LARP4B: variants seen among roughly 807,000 people sequenced by gnomAD.
LARP4B encodes the protein la-related protein 4B.
LARP4B carries 12 observed loss-of-function variants against 89.8 expected under a neutral mutation model. The ratio of observed to expected loss-of-function variants is 0.13; its 90% CI spans 0.09 to 0.22. LARP4B has a LOEUF of 0.22. Ranked by LOEUF, LARP4B falls within the 10% of genes least tolerant of loss-of-function variation. The pLI is 1.00. For synonymous variants in LARP4B, 367 were observed against 363.3 expected, an observed-to-expected ratio of 1.01 and a Z score of -0.12; for missense variants, 757 against 947.7, an observed-to-expected ratio of 0.80 and a Z score of 2.64.
intron 3 of LARP4B, among the ~76,000 whole-genome samples, chr10:877,477 C>T (rs548683166): frequency 3.3e-5 from 5 of 152,178 alleles, no homozygotes; most frequent in Non-Finnish European, 5.9e-5. Context: ...AATGAAATAA[C>T]GGTGCCAAAT....
intron 1 of LARP4B, among the ~76,000 whole-genome samples, chr10:906,683 C>T (rs1836502146): frequency 6.6e-6 from 1 of 152,218 alleles, no homozygotes; most frequent in African/African-American, 2.4e-5. Flanking sequence ...CCAGTGAACA[C>T]CTTATGATCC....
intron 1 of LARP4B, among the ~76,000 whole-genome samples, chr10:924,788 T>G (rs1393704945): frequency 6.6e-6 from 1 of 152,248 alleles, no homozygotes; most frequent in African/African-American, 2.4e-5. Flanking sequence ...CACTTTCTTA[T>G]TGGATTATGT....
chr10:923,463 C>T (rs1321618867), intron 1 of LARP4B, among the ~76,000 whole-genome samples: 2 of 151,460 alleles, frequency 1.3e-5, no homozygotes, highest in African/African-American at 4.9e-5. Context: ...AGTGTGACTG[C>T]TCCCCAACCT....
the LARP4B span, among the ~76,000 whole-genome samples, chr10:952,432 G>A: frequency 2.9e-5 from 4 of 138,250 alleles, no homozygotes; most frequent in East Asian, 2.2e-4. Context: ...AATCGCACCA[G>A]CCCAGACCCA....
chr10:947,137 T>C, the LARP4B span, among the ~76,000 whole-genome samples: 1 of 152,332 alleles, frequency 6.6e-6, no homozygotes, highest in Middle Eastern at 3.4e-3. Flanking sequence ...CCCAAAGTGC[T>C]GGGATTACAG....
At chr10:913,188 T>C (rs1836720826) in intron 1 of LARP4B, among the ~76,000 whole-genome samples, 1 of 152,104 alleles carries the variant, frequency 6.6e-6, no homozygotes, top group Non-Finnish European at 1.5e-5. Flanking sequence ...ATCTGAATTG[T>C]TTAGGGGAGT....
At chr10:904,573 A>C (rs996049954) in intron 1 of LARP4B, among the ~76,000 whole-genome samples, 2 of 152,016 alleles carry the variant, frequency 1.3e-5, no homozygotes, top group African/African-American at 4.8e-5. Flanking sequence ...TAAAAATAAA[A>C]ATAAAAATAA....
At chr10:968,643 T>G in the LARP4B span, among the ~76,000 whole-genome samples, 1 of 152,238 alleles carries the variant, frequency 6.6e-6, no homozygotes, top group Non-Finnish European at 1.5e-5. Context: ...CCTCTGACAA[T>G]TTCACGTGCT....
chr10:962,153 A>G, the LARP4B span, among the ~76,000 whole-genome samples: 2 of 151,982 alleles, frequency 1.3e-5, no homozygotes, highest in African/African-American at 4.8e-5. Context: ...AAAATTAGCC[A>G]GGTGTGGTAG....
At chr10:956,890 G>A in the LARP4B span, among the ~76,000 whole-genome samples, 59 of 152,312 alleles carry the variant, frequency 3.9e-4, no homozygotes, top group African/African-American at 9.9e-4. The surrounding 1 kb of genome is among the most constrained non-coding windows in gnomAD (Gnocchi z 4.3). Context: ...ATTTGGGCCA[G>A]GAAGGTGACG....
At chr10:950,527 C>T in the LARP4B span, among the ~76,000 whole-genome samples, 1 of 152,142 alleles carries the variant, frequency 6.6e-6, no homozygotes, top group East Asian at 1.9e-4. Flanking sequence ...TTCTCTATGT[C>T]TGCATGACAT....
chr10:861,080 C>T (rs1006765174), intron 5 of LARP4B, among the ~76,000 whole-genome samples: 4 of 151,958 alleles, frequency 2.6e-5, no homozygotes, highest in South Asian at 4.2e-4. Flanking sequence ...GGCGTGAACC[C>T]GGGAGGCGGA....
At chr10:867,489 A>G (rs1213737047) in intron 3 of LARP4B, among the ~76,000 whole-genome samples, 1 of 152,266 alleles carries the variant, frequency 6.6e-6, no homozygotes, top group East Asian at 1.9e-4. Flanking sequence ...GTATTAAACA[A>G]AGATCTGAAT....
chr10:936,329 TAAGA>T (rs1226657907), upstream of LARP4B, among the ~76,000 whole-genome samples: 5 of 151,752 alleles, frequency 3.3e-5, no homozygotes, highest in East Asian at 9.7e-4. Flanking sequence ...CAAGCCAACT[TAAGA>T]AGGAACCAGA....
Position 907,689 on chromosome 10 carries a change from G to C in LARP4B, c.-39-21929C>G, listed in dbSNP as rs77173757. Among the ~76,000 whole-genome samples the C allele has an allele frequency of 8.7e-3, 1,318 of 152,244 alleles. 8 individuals are homozygous for C. Among genetic ancestry groups the C allele is most frequent in the African/African-American group, 0.03 (1,261 of 41,528 alleles). ...TGGCATAGAATTCTTAAAATCCCTG[G>C]AATCTCCCAAGTAATAAATGTCTTT... On this transcript the variant is annotated intron_variant, in intron 1 of 17. Coordinates refer to ENST00000316157, the MANE Select transcript of LARP4B (RefSeq NM_015155.3).
chr10:930,868 C>A (rs1025323827), intron 1 of LARP4B, among the ~76,000 whole-genome samples: 1 of 151,904 alleles, frequency 6.6e-6, no homozygotes, highest in Non-Finnish European at 1.5e-5. Flanking sequence ...GGCCGCCTAT[C>A]CGGGCTCCGG....
chr10:874,234 CAAACAAAACA>C (rs111889691), intron 3 of LARP4B, among the ~76,000 whole-genome samples: 4 of 151,900 alleles, frequency 2.6e-5, no homozygotes, highest in South Asian at 2.1e-4. Context: ...GACTCCATCT[CAAACAAAACA>C]AAACAAAACA....
At chr10:985,664 C>T in the LARP4B span, 116 of 152,344 alleles carry the variant, frequency 7.6e-4, no homozygotes, top group African/African-American at 2.7e-3. Flanking sequence ...CTCTTTATGG[C>T]ACAGTGTGGA....
chr10:850,881 GA>G (rs971123591), intron 5 of LARP4B, among the ~76,000 whole-genome samples: 1 of 151,194 alleles, frequency 6.6e-6, no homozygotes, highest in Non-Finnish European at 1.5e-5. Flanking sequence ...ATGAGTCAAA[GA>G]AAAAAAATCA....
Sources: gnomAD v4.1 joint callset for allele counts (sites outside exome capture counted in the v4.1 genomes callset) on GRCh38, gnomAD v4.1.1 for gene constraint, Gnocchi (gnomAD v3.1) non-coding constraint, MANE v1.5 for transcripts, NCBI Gene and HGNC (gene_info 2026-07-23, HGNC 2026-07-21) for gene names.